MTUS2: variants seen among roughly 807,000 people sequenced by gnomAD.
MTUS2 encodes microtubule-associated tumor suppressor candidate 2.
In MTUS2, 40 loss-of-function variants were observed where a neutral mutation model predicts 114.1. The ratio of observed to expected loss-of-function variants is 0.35; its 90% CI spans 0.27 to 0.46. MTUS2 has a LOEUF of 0.46. MTUS2 is among the 20% of genes least tolerant of loss of function. The probability of loss-of-function intolerance (pLI) is 1.00; values close to 1 mark genes in which losing one functional copy is unlikely to be tolerated. For missense variants in MTUS2, 1,679 were observed against 1,705.4 expected, an observed-to-expected ratio of 0.98 and a Z score of 0.27; for synonymous variants, 688 against 672.0, an observed-to-expected ratio of 1.02 and a Z score of -0.37.
At chr13:29,212,579 A>T (rs886978310) in intron 5 of MTUS2, among the ~76,000 whole-genome samples, 6 of 152,174 alleles carry the variant, frequency 3.9e-5, no homozygotes, top group Non-Finnish European at 7.3e-5. Flanking sequence ...CTTGGCTACA[A>T]ATTGGAGGTT....
intron 2 of MTUS2, among the ~76,000 whole-genome samples, chr13:28,923,454 T>C (rs327121): frequency 0.87 from 132,865 of 152,242 alleles, 58,224 homozygotes; most frequent in East Asian, 0.91. Context: ...CTGGCCTACA[T>C]TTGTGGGTTG....
intron 2 of MTUS2, among the ~76,000 whole-genome samples, chr13:28,851,789 C>CT (rs1486172605): frequency 6.7e-6 from 1 of 149,624 alleles, no homozygotes; most frequent in Admixed American, 6.8e-5. Flanking sequence ...TGGGATGTAT[C>CT]TGAGTGGGTA....
rs148568399 is a variant in MTUS2, at chr13:29,123,403, T to C, written c.2644+22433T>C. ...CATTTGTTGACTTACCACATTGATA[T>C]TTCTATTTTAATATTTAAAACACAA... is the stretch of plus-strand genomic sequence containing the variant. On this transcript the variant is annotated intron_variant, in intron 5 of 15. Transcript: ENST00000612955. Among the ~76,000 whole-genome samples the C allele has an allele frequency of 2.0e-5, 3 of 152,316 alleles. No homozygotes were observed. In the East Asian group the frequency reaches 5.8e-4, roughly 29 times the overall value.
intron 7 of MTUS2, among the ~76,000 whole-genome samples, chr13:29,338,139 C>T (rs908952106): frequency 6.6e-6 from 1 of 151,892 alleles, no homozygotes; most frequent in African/African-American, 2.4e-5. Context: ...TTCTGTAATT[C>T]TTATATGAGC....
At chr13:29,061,135 T>G (rs1044131462) in intron 4 of MTUS2, among the ~76,000 whole-genome samples, 3 of 152,204 alleles carry the variant, frequency 2.0e-5, no homozygotes, top group African/African-American at 7.2e-5. Context: ...TGTTGGACAT[T>G]GTGAATTTTA....
rs1438448157 is a variant in MTUS2 at position 29,463,598 on chromosome 13, G to GCC, written c.3185-16552_3185-16551insCC. 4.6e-3 allele frequency among the ~76,000 whole-genome samples: 391 copies of GCC among 85,896 alleles called. 5 individuals are homozygous for GCC. Among genetic ancestry groups the GCC allele is most frequent in the African/African-American group, 0.024 (375 of 15,464 alleles). 56.4% of individuals were successfully genotyped at this position (85,896 alleles called of 152,430 possible). A position where few individuals can be genotyped will look rare whatever the true frequency, so the allele number is the denominator to read the frequency against. Reference sequence around the variant, plus strand: ...CCCAGAGCTAGGTGACTTGCCCTAGGTCACAGCCACCGAAGACCAGAGGTA... The same window carrying GCC: ...CCCAGAGCTAGGTGACTTGCCCTAGGCCTCACAGCCACCGAAGACCAGAGGTA... On this transcript the variant is annotated intron_variant, in intron 9 of 15. Coordinates refer to ENST00000612955, the MANE Select transcript of MTUS2 (RefSeq NM_001033602.4).
At chr13:29,420,886 GA>G (rs1433498597) in intron 8 of MTUS2, among the ~76,000 whole-genome samples, 3 of 151,562 alleles carry the variant, frequency 2.0e-5, no homozygotes, top group Non-Finnish European at 3.0e-5. Context: ...ACTTAAAAGG[GA>G]AAAAAAGGGT....
intron 6 of MTUS2, among the ~76,000 whole-genome samples, chr13:29,318,005 C>T (rs1243009288): frequency 1.3e-5 from 2 of 152,138 alleles, no homozygotes; most frequent in Admixed American, 6.5e-5. Context: ...TGCTTTGCTC[C>T]GTCTGCGTCT....
At chr13:29,061,717 G>GT (rs1299829526) in intron 4 of MTUS2, among the ~76,000 whole-genome samples, 1 of 152,176 alleles carries the variant, frequency 6.6e-6, no homozygotes, top group Non-Finnish European at 1.5e-5. Context: ...GACACACCTT[G>GT]TTTGTTTTCC....
At chr13:29,133,963 T>G (rs1205806744) in intron 5 of MTUS2, among the ~76,000 whole-genome samples, 1 of 152,234 alleles carries the variant, frequency 6.6e-6, no homozygotes, top group Non-Finnish European at 1.5e-5. Flanking sequence ...TCAAGTTCCT[T>G]AAATTGTAAC....
intron 2 of MTUS2, among the ~76,000 whole-genome samples, chr13:28,999,028 C>T (rs937077049): frequency 1.3e-5 from 2 of 152,030 alleles, no homozygotes; most frequent in African/African-American, 4.8e-5. Flanking sequence ...GTTTTATCTA[C>T]CTTTGGTCTT....
intron 2 of MTUS2, among the ~76,000 whole-genome samples, chr13:28,862,113 T>C (rs1004369711): frequency 2.6e-5 from 4 of 152,094 alleles, no homozygotes; most frequent in African/African-American, 9.7e-5. Flanking sequence ...GCCTCACACA[T>C]GAATAGAAAA....
chr13:29,503,583 C>T lies in MTUS2; in HGVS notation c.*377C>T, dbSNP rs866205934. On this transcript the variant is annotated 3_prime_UTR_variant, in exon 16 of 16. Coordinates refer to ENST00000612955, the MANE Select transcript of MTUS2 (RefSeq NM_001033602.4). Reference sequence around the variant, plus strand: ...GTGTATATTTAGATATACGTATATACACATGCTGCGGTTCTGAATTTCATT... The same window carrying T: ...GTGTATATTTAGATATACGTATATATACATGCTGCGGTTCTGAATTTCATT... The T allele has an allele frequency of 3.3e-6, 1 of 300,578 alleles. No individual in the cohort carries two copies. The highest frequency in any genetic ancestry group is 6.3e-6 in the Non-Finnish European group (1 of 159,146). The allele number at this position is 300,578 out of a possible 1,614,324, so 18.6% of individuals were successfully genotyped here.
chr13:29,360,181 G>A (rs1331209060), intron 8 of MTUS2, among the ~76,000 whole-genome samples: 1 of 152,140 alleles, frequency 6.6e-6, no homozygotes, highest in African/African-American at 2.4e-5. Flanking sequence ...GGTGTGCTTG[G>A]GGGAGAAAAA....
chr13:29,206,336 A>T (rs1895183939), intron 5 of MTUS2, among the ~76,000 whole-genome samples: 1 of 152,014 alleles, frequency 6.6e-6, no homozygotes, highest in Non-Finnish European at 1.5e-5. Context: ...GTTTTCAAAG[A>T]TTTTCTCCCA....
chr13:29,344,611 T>A (rs1462124434), intron 7 of MTUS2, among the ~76,000 whole-genome samples: 1 of 152,164 alleles, frequency 6.6e-6, no homozygotes, highest in Non-Finnish European at 1.5e-5. Flanking sequence ...CATTCTGCCA[T>A]TCTGTATCAT....
At chr13:29,335,448 C>T (rs1901008995) in intron 7 of MTUS2, among the ~76,000 whole-genome samples, 2 of 152,156 alleles carry the variant, frequency 1.3e-5, no homozygotes, top group African/African-American at 2.4e-5. Context: ...TGCCCTGCCT[C>T]CATTTGCCTT....
At chr13:29,488,029 C>G (rs759880810) in intron 11 of MTUS2, 24 bp downstream of exon 11, 18 of 1,574,508 alleles carry the variant, frequency 1.1e-5, no homozygotes, top group Admixed American at 3.3e-5. Flanking sequence ...TCGTGTGCAG[C>G]AGGCAGGGGT....
chr13:29,359,294 A>C lies in MTUS2; in HGVS notation c.2938A>C (p.Asn980His), dbSNP rs747085196. The change falls in exon 8 of 16, where the codon AAT (asparagine) becomes CAT (histidine). Residue 980 changes from asparagine (N) to histidine (H), a missense_variant. Physicochemically the swap from Asn to His is moderately conservative, Grantham distance 68. Coordinates refer to ENST00000612955, the MANE Select transcript of MTUS2 (RefSeq NM_001033602.4). ...AAAGCAGAGGACTGCGGCAGCTCGA[A>C]ATGGGTTTCCGCCCAAGCCGGACCC... is the stretch of plus-strand genomic sequence containing the variant. ...YPKQRTAAAR[N>H]GFPPKPDPQA... is the part of the protein sequence containing the mutation. The C allele has an allele frequency of 2.1e-5, 34 of 1,606,948 alleles. No homozygotes were observed. In the East Asian group the frequency reaches 7.6e-4, roughly 36 times the overall value.
Sources: gnomAD v4.1 joint callset for allele counts (sites outside exome capture counted in the v4.1 genomes callset) on GRCh38, gnomAD v4.1.1 for gene constraint, MANE v1.5 for transcripts, NCBI Gene and HGNC (gene_info 2026-07-23, HGNC 2026-07-21) for gene names.